The following ASPG variants were observed in gnomAD, a reference collection of about 807,000 sequenced individuals.
ASPG encodes 60 kDa lysophospholipase.
A neutral mutation model predicts 63.2 loss-of-function variants in ASPG; 53 were observed. The ratio of observed to expected loss-of-function variants is 0.84; its 90% confidence interval spans 0.67 to 1.05. The LOEUF (loss-of-function observed/expected upper bound fraction) is 1.05. Ranked by LOEUF, ASPG falls within the 50% of genes least tolerant of loss-of-function variation. The probability of loss-of-function intolerance (pLI) is 0.00; values close to 1 mark genes in which losing one functional copy is unlikely to be tolerated. For synonymous variants in ASPG, 370 were observed against 355.0 expected (o/e 1.04, Z -0.48); for missense variants, 741 against 794.4 (o/e 0.93, Z 0.81).
At chr14:104,097,072 C>A (rs1375316374) in intron 4 of ASPG, among the ~76,000 whole-genome samples, 1 of 152,124 alleles carries the variant, frequency 6.6e-6, no homozygotes, top group Non-Finnish European at 1.5e-5. Context: ...CCACCACCCT[C>A]CTTCCAGCCC....
Position 104,113,226 on chromosome 14 carries a change from TGGG to T in ASPG, c.*684_*686del, listed in dbSNP as rs2037424709. 6.5e-6 allele frequency: 1 copy of T among 154,524 alleles called. No homozygotes were observed. The highest frequency in any genetic ancestry group is 1.4e-5 in the Non-Finnish European group (1 of 69,646). The allele number at this position is 154,524 out of a possible 1,614,324, so 9.6% of individuals were successfully genotyped here. A position where few individuals can be genotyped will look rare whatever the true frequency, so the allele number is the denominator to read the frequency against. On this transcript the variant is annotated 3_prime_UTR_variant, in exon 16 of 16. Coordinates refer to ENST00000551177, the MANE Select transcript of ASPG (RefSeq NM_001080464.3). ...GCTTCACACTCTGGTGGTGAGCCCC[TGGG>T]GACCATTCCAGCCCCTGCTCTGCCT...
In ASPG at chr14:104,114,504, G is replaced by A. The variant is rs1045272151; in HGVS notation, c.*1960G>A. 1 of 152,370 alleles carries A rather than the reference G, an allele frequency of 6.6e-6. No individual in the cohort carries two copies. The highest frequency in any genetic ancestry group is 1.5e-5 in the Non-Finnish European group (1 of 68,216). 9.4% of individuals were successfully genotyped at this position (152,370 alleles called of 1,614,324 possible). A position where few individuals can be genotyped will look rare whatever the true frequency, so the allele number is the denominator to read the frequency against. ...CCAGTGTCTCAGGAGGCTGTGAAGA[G>A]TCATAGGCTTGAGTCTGGGAGCTTT... On this transcript the variant is annotated 3_prime_UTR_variant, in exon 16 of 16. Transcript: ENST00000551177.
At chr14:104,095,855 AG>A (rs1219028654) in intron 4 of ASPG, among the ~76,000 whole-genome samples, 199 bp downstream of exon 4, 1 of 151,944 alleles carries the variant, frequency 6.6e-6, no homozygotes, top group Admixed American at 6.5e-5. Flanking sequence ...GCCCCGCAGG[AG>A]GGGGGTCATC....
chr14:104,101,057 GC>G (rs1023144170), intron 6 of ASPG, among the ~76,000 whole-genome samples: 2 of 152,222 alleles, frequency 1.3e-5, no homozygotes, highest in Non-Finnish European at 2.9e-5. Context: ...CCGGCCTCAG[GC>G]CCAGGGCCGT....
chr14:104,090,205 C>G (rs796793083), intron 1 of ASPG, among the ~76,000 whole-genome samples: 11 of 152,338 alleles, frequency 7.2e-5, no homozygotes, highest in Admixed American at 2.0e-4. Flanking sequence ...ACACATGCCC[C>G]CAGCAGGGAC....
In ASPG at chr14:104,110,257, C is replaced by A; in HGVS notation, c.1520+942C>A. On this transcript the variant is annotated intron_variant, in intron 13 of 15. Transcript: ENST00000551177. This position sits in a 1 kb window ranked among gnomAD's most constrained non-coding sequence, Gnocchi z 4.7. ...GGAGTGGGTGATGGCGGGGGCTCGG[C>A]TCACTGGCTGGGAGGGGGTGGGTGC... 1.0e-6 allele frequency: 1 copy of A among 984,688 alleles called. No individual in the cohort carries two copies. The highest frequency in any genetic ancestry group is 1.2e-6 in the Non-Finnish European group (1 of 829,622). The allele number at this position is 984,688 out of a possible 1,614,324, so 61.0% of individuals were successfully genotyped here.
At chr14:104,102,361 T>C (rs945698916) in intron 6 of ASPG, among the ~76,000 whole-genome samples, 1 of 151,982 alleles carries the variant, frequency 6.6e-6, no homozygotes, top group African/African-American at 2.4e-5. Context: ...TGCAAGCTGC[T>C]CTAGCGGAAG....
chr14:104,087,684 G>A (rs957680075), intron 1 of ASPG, among the ~76,000 whole-genome samples: 1 of 152,200 alleles, frequency 6.6e-6, no homozygotes, highest in African/African-American at 2.4e-5. Context: ...CTTCAGGCTT[G>A]GAGTGTGGCC....
At chr14:104,105,581 T>G in intron 10 of ASPG, 131 bp downstream of exon 10, 6 of 1,268,676 alleles carry the variant, frequency 4.7e-6, no homozygotes, top group Non-Finnish European at 5.3e-6. Flanking sequence ...CACACCCGGG[T>G]TCTGGGGCCC....
At position 104,113,127 on chromosome 14, in the gene ASPG, C is replaced by G. The variant is rs527949290; in HGVS notation, c.*583C>G. 5.8e-6 allele frequency: 1 copy of G among 173,056 alleles called. No individual in the cohort carries two copies. Among genetic ancestry groups the G allele is most frequent in the Admixed American group, 5.7e-5 (1 of 17,682 alleles). 10.7% of individuals were successfully genotyped at this position (173,056 alleles called of 1,614,324 possible). ...GTTTTCTGTCACCCCAGTATCGCTGCACCCGGCCCCCCTCTCAGGCCAGGG... is the reference window on the plus strand; with the variant it reads ...GTTTTCTGTCACCCCAGTATCGCTGGACCCGGCCCCCCTCTCAGGCCAGGG... On this transcript the variant is annotated 3_prime_UTR_variant, in exon 16 of 16. Transcript: ENST00000551177.
At chr14:104,093,790 G>A (rs1191426015) in intron 3 of ASPG, among the ~76,000 whole-genome samples, 188 bp downstream of exon 3, 2 of 141,438 alleles carry the variant, frequency 1.4e-5, no homozygotes, top group African/African-American at 2.6e-5. Flanking sequence ...GGGCTGTGGA[G>A]TGTGGGTGGG....
intron 6 of ASPG, among the ~76,000 whole-genome samples, chr14:104,099,212 G>A (rs567343972): frequency 3.3e-5 from 5 of 152,302 alleles, no homozygotes; most frequent in East Asian, 1.9e-4. Context: ...GCTCAGAGGC[G>A]GGAGGCCTGG....
intron 5 of ASPG, among the ~76,000 whole-genome samples, chr14:104,098,357 A>G (rs1481363193): frequency 6.6e-6 from 1 of 152,048 alleles, no homozygotes; most frequent in Non-Finnish European, 1.5e-5. Flanking sequence ...GAGTGTGCAA[A>G]GATCTCCCCC....
intron 1 of ASPG, among the ~76,000 whole-genome samples, chr14:104,086,963 C>T (rs1339217377): frequency 3.3e-5 from 5 of 149,868 alleles, no homozygotes; most frequent in Admixed American, 6.6e-5. Context: ...CCCCGCCCCT[C>T]CTATCCCCAC....
chr14:104,093,126 C>G, intron 2 of ASPG: 1 of 484,216 alleles, frequency 2.1e-6, no homozygotes. Flanking sequence ...TCCCCCACAG[C>G]TGGGGGTGAG....
chr14:104,104,921 A>T (rs2037055363), intron 9 of ASPG, 186 bp downstream of exon 9: 1 of 602,942 alleles, frequency 1.7e-6, no homozygotes, highest in Non-Finnish European at 2.9e-6. Context: ...GGCTCCCCAC[A>T]GCCCTCACTG....
intron 3 of ASPG, among the ~76,000 whole-genome samples, chr14:104,093,955 G>T (rs1276057951): frequency 6.6e-6 from 1 of 151,100 alleles, no homozygotes; most frequent in African/African-American, 2.4e-5. Flanking sequence ...CGGGGCTGTG[G>T]GTATGGGCGG....
chr14:104,098,750 C>G (rs1014064009), intron 5 of ASPG, 103 bp from the exon 6 acceptor site: 2 of 1,529,464 alleles, frequency 1.3e-6, no homozygotes, highest in African/African-American at 1.4e-5. Context: ...CCCACCTCCC[C>G]CTGGGTCTGG....
intron 13 of ASPG, 21 bp from the exon 14 acceptor site, chr14:104,111,481 C>T: frequency 6.5e-7 from 1 of 1,544,592 alleles, no homozygotes; most frequent in Non-Finnish European, 8.8e-7. Context: ...CCAACAACTC[C>T]TCCTCTGCCC....
Sources: gnomAD v4.1 joint callset for allele counts (sites outside exome capture counted in the v4.1 genomes callset) on GRCh38, gnomAD v4.1.1 for gene constraint, Gnocchi (gnomAD v3.1) non-coding constraint, MANE v1.5 for transcripts, NCBI Gene and HGNC (gene_info 2026-07-23, HGNC 2026-07-21) for gene names.